Variants in SIDT1 observed in about 807,000 individuals in gnomAD.
SIDT1 encodes the protein SID1 transmembrane family, member 1.
Under a neutral mutation model 107.5 loss-of-function variants are expected in SIDT1, and 101 were observed. The ratio of observed to expected loss-of-function variants is 0.94; its 90% CI spans 0.80 to 1.11. The LOEUF (loss-of-function observed/expected upper bound fraction) is 1.11. SIDT1 is among the 50% of genes least tolerant of loss of function. The pLI is 0.00. For missense variants in SIDT1, 1,076 were observed against 1,058.2 expected (o/e 1.02, Z -0.23); for synonymous variants, 395 against 398.2 (o/e 0.99, Z 0.10).
chr3:113,601,911 T>C, intron 11 of SIDT1: 1 of 412,322 alleles, frequency 2.4e-6, no homozygotes, highest in Non-Finnish European at 4.3e-6. Context: ...GTTTGCCATC[T>C]AATACTAAGG....
At chr3:113,633,313 C>T (rs902533452), downstream of SIDT1, among the ~76,000 whole-genome samples, 4 of 152,086 alleles carry the variant, frequency 2.6e-5, no homozygotes, top group African/African-American at 7.2e-5. Context: ...AGGCTTCTTG[C>T]TGAGATTCCT....
At chr3:113,609,650 T>C (rs1560120866) in intron 17 of SIDT1, among the ~76,000 whole-genome samples, 2 of 152,184 alleles carry the variant, frequency 1.3e-5, no homozygotes. Context: ...AGGATGAGGA[T>C]TTTTTAAACG....
intron 17 of SIDT1, among the ~76,000 whole-genome samples, chr3:113,609,668 A>G (rs1945601384): frequency 6.6e-6 from 1 of 152,166 alleles, no homozygotes; most frequent in South Asian, 2.1e-4. Context: ...ACGGTCGTTT[A>G]ATGTTTGTGC....
chr3:113,632,215 A>G (rs1327360670), downstream of SIDT1, among the ~76,000 whole-genome samples: 1 of 152,236 alleles, frequency 6.6e-6, no homozygotes, highest in Non-Finnish European at 1.5e-5. Context: ...AGGGCAAGAG[A>G]AAACTGATAT....
chr3:113,617,246 A>G (rs1946172102), intron 20 of SIDT1, among the ~76,000 whole-genome samples: 1 of 152,142 alleles, frequency 6.6e-6, no homozygotes, highest in Non-Finnish European at 1.5e-5. Flanking sequence ...GTATTGCTTG[A>G]TTTTCACAAT....
chr3:113,620,940 G>T (rs1213308462), intron 21 of SIDT1, among the ~76,000 whole-genome samples: 2 of 152,238 alleles, frequency 1.3e-5, no homozygotes, highest in Non-Finnish European at 2.9e-5. Context: ...AAGGCAAATG[G>T]CCTCTCTTCA....
chr3:113,550,477 A>G (rs1940097513), intron 1 of SIDT1, among the ~76,000 whole-genome samples: 1 of 152,242 alleles, frequency 6.6e-6, no homozygotes, highest in Non-Finnish European at 1.5e-5. Flanking sequence ...GATGAAGAAC[A>G]CATGTTACTT....
chr3:113,594,690 C>A (rs532801249), intron 10 of SIDT1, among the ~76,000 whole-genome samples: 55 of 152,210 alleles, frequency 3.6e-4, no homozygotes, highest in African/African-American at 1.2e-3. Flanking sequence ...AGGTACCCTT[C>A]TGATGGTAAG....
intron 3 of SIDT1, among the ~76,000 whole-genome samples, chr3:113,573,188 G>T (rs966341067): frequency 6.6e-6 from 1 of 152,062 alleles, no homozygotes; most frequent in Non-Finnish European, 1.5e-5. Context: ...ACTGACAAAG[G>T]GACATAGTAG....
At chr3:113,539,027 A>G (rs1221299724) in intron 1 of SIDT1, among the ~76,000 whole-genome samples, 1 of 152,096 alleles carries the variant, frequency 6.6e-6, no homozygotes, top group Non-Finnish European at 1.5e-5. Context: ...TTTTCATTTT[A>G]TGAGCTGGAA....
At chr3:113,574,102 G>T (rs991460786) in intron 3 of SIDT1, among the ~76,000 whole-genome samples, 37 of 152,186 alleles carry the variant, frequency 2.4e-4, no homozygotes, top group African/African-American at 8.4e-4. Flanking sequence ...TTTGTTATTT[G>T]TTTTGAAAAT....
In SIDT1 at chr3:113,626,134, C is replaced by T. The variant is rs539057068; in HGVS notation, c.2340C>T (p.Arg780=). 37 of 1,614,074 alleles carry T rather than the reference C, an allele frequency of 2.3e-5. No individual in the cohort carries two copies. Among genetic ancestry groups the T allele is most frequent in the Middle Eastern group, 1.6e-4 (1 of 6,062 alleles). The change falls in exon 24 of 25, where the codon CGC becomes CGT. Residue 780 remains arginine, a synonymous_variant. Transcript: ENST00000264852. ...GTPAESREKN[R]ECILLDFFDD... The stretch of plus-strand genomic sequence containing the variant: ...CGGCCGAATCCCGGGAGAAGAACCG[C>T]GAGTGCATTCTGCTGGATTTCTTCG...
At chr3:113,537,304 C>T (rs1045893934) in intron 1 of SIDT1, among the ~76,000 whole-genome samples, 1 of 152,146 alleles carries the variant, frequency 6.6e-6, no homozygotes, top group African/African-American at 2.4e-5. Context: ...TTAATATAAA[C>T]CAGTAGTTGT....
chr3:113,553,038 G>A (rs557994706), intron 1 of SIDT1, among the ~76,000 whole-genome samples: 2 of 152,264 alleles, frequency 1.3e-5, no homozygotes, highest in South Asian at 2.1e-4. Context: ...GTGACAGGGG[G>A]AAAAGCTGGG....
At chr3:113,602,710 A>G (rs1945044937) in intron 11 of SIDT1, 2 of 235,798 alleles carry the variant, frequency 8.5e-6, no homozygotes, top group Admixed American at 5.4e-5. Flanking sequence ...TGAAACATGA[A>G]ATAGAAGTAT....
At chr3:113,604,168 A>G (rs868263478) in intron 13 of SIDT1, 135 bp downstream of exon 13, 25 of 594,234 alleles carry the variant, frequency 4.2e-5, no homozygotes, top group Non-Finnish European at 6.3e-5. Flanking sequence ...CCAGCCAACT[A>G]TCAGTAGACC....
intron 4 of SIDT1, among the ~76,000 whole-genome samples, chr3:113,577,908 ATTTTAAG>A (rs1164842338): frequency 5.3e-5 from 8 of 152,156 alleles, no homozygotes; most frequent in Non-Finnish European, 1.2e-4. Context: ...ACTGTGGCTG[ATTTTAAG>A]CTCCCATTGT....
At chr3:113,603,656 T>C (rs1485423847) in intron 12 of SIDT1, among the ~76,000 whole-genome samples, 1 of 152,170 alleles carries the variant, frequency 6.6e-6, no homozygotes, top group Non-Finnish European at 1.5e-5. Context: ...ATTCTTGACA[T>C]GTAAGAAGCA....
chr3:113,546,976 C>T (rs369834219), intron 1 of SIDT1, among the ~76,000 whole-genome samples: 10 of 152,188 alleles, frequency 6.6e-5, no homozygotes, highest in African/African-American at 2.2e-4. Flanking sequence ...TGAAATGGGG[C>T]CTCACTATGC....
Sources: allele counts gnomAD v4.1 joint callset (sites outside exome capture counted in the v4.1 genomes callset), GRCh38; gene constraint gnomAD v4.1.1; transcripts MANE v1.5; gene names NCBI Gene and HGNC (gene_info 2026-07-23, HGNC 2026-07-21).